The following SHROOM3 variants were observed in gnomAD, a reference collection of about 807,000 sequenced individuals.
SHROOM3 encodes the protein protein Shroom3.
In SHROOM3, 47 loss-of-function variants were observed where a neutral mutation model predicts 138.6. That is an observed-to-expected ratio of 0.34 (90% CI 0.27 to 0.43). SHROOM3 has a LOEUF of 0.43. SHROOM3 is among the 20% of genes least tolerant of loss of function. The pLI is 1.00. For synonymous variants in SHROOM3, 1,062 were observed against 1,063.3 expected (o/e 1.00, Z 0.02); for missense variants, 2,491 against 2,596.5 (o/e 0.96, Z 0.88).
intron 2 of SHROOM3, among the ~76,000 whole-genome samples, chr4:76,675,631 G>A (rs925532855): frequency 6.6e-6 from 1 of 152,162 alleles, no homozygotes; most frequent in Non-Finnish European, 1.5e-5. Context: ...GCCAAGATGG[G>A]AGGATCACTT....
intron 2 of SHROOM3, among the ~76,000 whole-genome samples, chr4:76,651,401 AATATATAT>A (rs33994270): frequency 0.01 from 910 of 86,678 alleles, 13 homozygotes; most frequent in African/African-American, 0.029. Context: ...GTAACCCATA[AATATATAT>A]ATATATATAT....
At chr4:76,648,072 G>C (rs745392655) in intron 2 of SHROOM3, among the ~76,000 whole-genome samples, 6 of 151,706 alleles carry the variant, frequency 4.0e-5, no homozygotes, top group Non-Finnish European at 7.4e-5. Flanking sequence ...TCATACCTGT[G>C]GTCCCAGCAC....
At chr4:76,454,999 T>C (rs1730998777) in intron 1 of SHROOM3, among the ~76,000 whole-genome samples, 1 of 152,222 alleles carries the variant, frequency 6.6e-6, no homozygotes, top group Non-Finnish European at 1.5e-5. Flanking sequence ...TGATTTCGCA[T>C]CTTGCAACAT....
chr4:76,554,630 C>T (rs1221504812), intron 1 of SHROOM3, among the ~76,000 whole-genome samples: 1 of 151,888 alleles, frequency 6.6e-6, no homozygotes, highest in Non-Finnish European at 1.5e-5. Flanking sequence ...CCGTGTTAGC[C>T]AGGATGGTCT....
chr4:76,446,251 G>A (rs67436027), intron 1 of SHROOM3, among the ~76,000 whole-genome samples: 8,800 of 151,118 alleles, frequency 0.058, 269 homozygotes, highest in Middle Eastern at 0.075. Context: ...TTCTTTCAAA[G>A]TAAAAACTGC....
At chr4:76,505,884 C>T (rs1048164688) in intron 1 of SHROOM3, among the ~76,000 whole-genome samples, 4 of 151,992 alleles carry the variant, frequency 2.6e-5, no homozygotes, top group African/African-American at 4.8e-5. Flanking sequence ...CTCCTGGCCT[C>T]AAGTGATCCT....
chr4:76,497,811 T>C (rs1335235887), intron 1 of SHROOM3, among the ~76,000 whole-genome samples: 3 of 152,080 alleles, frequency 2.0e-5, no homozygotes, highest in African/African-American at 7.2e-5. Context: ...TGAGCCGAGA[T>C]TGCGCCACTG....
At chr4:76,479,621 A>G (rs1731562862) in intron 1 of SHROOM3, among the ~76,000 whole-genome samples, 1 of 152,146 alleles carries the variant, frequency 6.6e-6, no homozygotes, top group African/African-American at 2.4e-5. Flanking sequence ...AATTCAGGAA[A>G]TACAGAGAAT....
intron 2 of SHROOM3, among the ~76,000 whole-genome samples, chr4:76,706,706 C>G (rs780325063): frequency 9.2e-5 from 14 of 152,190 alleles, no homozygotes; most frequent in Non-Finnish European, 2.1e-4. Flanking sequence ...TTTATTCATT[C>G]AACAAATATT....
At chr4:76,759,458 C>T (rs910153917) in intron 8 of SHROOM3, 87 bp from the exon 9 acceptor site, 29 of 1,503,300 alleles carry the variant, frequency 1.9e-5, no homozygotes, top group African/African-American at 2.8e-5. Context: ...AGAATTGTTA[C>T]GCACTTCTGA....
chr4:76,682,934 A>G (rs1719240519), intron 2 of SHROOM3, among the ~76,000 whole-genome samples: 1 of 152,216 alleles, frequency 6.6e-6, no homozygotes, highest in Admixed American at 6.5e-5. Flanking sequence ...TTACCAGTCA[A>G]TGCAGTAATA....
chr4:76,687,468 G>C (rs1318178655), intron 2 of SHROOM3, among the ~76,000 whole-genome samples: 1 of 152,134 alleles, frequency 6.6e-6, no homozygotes, highest in Non-Finnish European at 1.5e-5. Context: ...AACTATTTCA[G>C]GTCATTCTTT....
chr4:76,683,668 G>T (rs1719260568), intron 2 of SHROOM3, among the ~76,000 whole-genome samples: 1 of 151,918 alleles, frequency 6.6e-6, no homozygotes, highest in African/African-American at 2.4e-5. Flanking sequence ...ATTTTTCTTG[G>T]GTTGTCTTAT....
intron 1 of SHROOM3, among the ~76,000 whole-genome samples, chr4:76,533,362 AAAAG>A (rs1732872762): frequency 6.6e-6 from 1 of 152,216 alleles, no homozygotes; most frequent in Non-Finnish European, 1.5e-5. Flanking sequence ...AAGGAAATTG[AAAAG>A]ACATTTAAAA....
At chr4:76,557,212 T>G (rs2110030516) in intron 2 of SHROOM3, among the ~76,000 whole-genome samples, 1 of 136,026 alleles carries the variant, frequency 7.4e-6, no homozygotes, top group African/African-American at 2.8e-5. Flanking sequence ...TGTATATATG[T>G]ATATGTTTAT....
intron 2 of SHROOM3, among the ~76,000 whole-genome samples, chr4:76,696,905 A>G (rs368254183): frequency 1.6e-4 from 25 of 152,180 alleles, no homozygotes; most frequent in African/African-American, 5.5e-4. Context: ...AAACAAAACT[A>G]GCCGAGAGGT....
intron 2 of SHROOM3, among the ~76,000 whole-genome samples, chr4:76,611,064 A>G (rs951498863): frequency 6.6e-6 from 1 of 152,210 alleles, no homozygotes; most frequent in African/African-American, 2.4e-5. Flanking sequence ...ATTGCAGTAA[A>G]GTATACATAA....
intron 1 of SHROOM3, among the ~76,000 whole-genome samples, chr4:76,497,525 C>T (rs1239746907): frequency 6.6e-6 from 1 of 152,196 alleles, no homozygotes; most frequent in Non-Finnish European, 1.5e-5. Context: ...TGCTAATCCA[C>T]AGGTCCTACA....
chr4:76,565,825 G>A (rs984570515), intron 2 of SHROOM3, among the ~76,000 whole-genome samples: 2 of 151,956 alleles, frequency 1.3e-5, no homozygotes, highest in African/African-American at 4.8e-5. Flanking sequence ...CTTTAAAAGC[G>A]CCTCAAGAAA....
Sources: gnomAD v4.1 joint callset for allele counts (sites outside exome capture counted in the v4.1 genomes callset) on GRCh38, gnomAD v4.1.1 for gene constraint, MANE v1.5 for transcripts, NCBI Gene and HGNC (gene_info 2026-07-23, HGNC 2026-07-21) for gene names.